The following METTL15 variants were observed in gnomAD, a reference collection of about 807,000 sequenced individuals.
The protein encoded by METTL15 is methyltransferase 15, mitochondrial 12S rRNA N4-cytidine, also known as 12S rRNA N(4)-cytidine methyltransferase METTL15.
In METTL15, 34 loss-of-function variants were observed where a neutral mutation model predicts 38.3. The observed-to-expected ratio is 0.89, with a 90% CI of 0.68 to 1.18. The LOEUF is 1.18. Ranked by LOEUF, METTL15 falls within the 50% of genes most tolerant of loss-of-function variation. The pLI, the probability that METTL15 is intolerant of heterozygous loss-of-function variation, is 0.00. For missense variants in METTL15, 438 were observed against 498.4 expected (o/e 0.88, Z 1.15); for synonymous variants, 162 against 170.9 (o/e 0.95, Z 0.41).
chr11:28,157,850 C>T (rs574617432), intron 3 of METTL15, among the ~76,000 whole-genome samples: 6 of 152,208 alleles, frequency 3.9e-5, no homozygotes, highest in Middle Eastern at 3.4e-3. Flanking sequence ...CAGTTGACAG[C>T]GGAAGAGAAG....
chr11:28,486,254 C>A (rs1045676465), intron 6 of METTL15, among the ~76,000 whole-genome samples: 1 of 152,082 alleles, frequency 6.6e-6, no homozygotes, highest in Non-Finnish European at 1.5e-5. Flanking sequence ...GCATCTTAGG[C>A]CACTTCACTC....
At chr11:28,473,892 A>G (rs548039804) in intron 6 of METTL15, among the ~76,000 whole-genome samples, 1 of 151,980 alleles carries the variant, frequency 6.6e-6, no homozygotes, top group African/African-American at 2.4e-5. Flanking sequence ...ACCTCTTTGC[A>G]CCACTTCATC....
At chr11:28,354,455 T>C (rs1385974656) in intron 4 of METTL15, among the ~76,000 whole-genome samples, 1 of 152,190 alleles carries the variant, frequency 6.6e-6, no homozygotes, top group Non-Finnish European at 1.5e-5. Context: ...AACCTAACAT[T>C]GTATGAGAGA....
rs542627316 is a variant in METTL15 at position 28,408,546 on chromosome 11, A to G, written c.*359-15753A>G. Among the ~76,000 whole-genome samples, 48 of 152,288 alleles carry G rather than the reference A, an allele frequency of 3.2e-4. No individual in the cohort carries two copies. The South Asian group carries it at 1.0e-2, about 32-fold the overall frequency. ...TTAAATGTATTAATTGTAAAAAAAT[A>G]GTTAATAATAATTGGAAAAGACATA... is the stretch of plus-strand genomic sequence containing the variant. On this transcript the variant is annotated intron_variant and NMD_transcript_variant, in intron 5 of 7. Transcript: ENST00000532947.
At chr11:28,251,627 G>A (rs1044811529) in intron 4 of METTL15, among the ~76,000 whole-genome samples, 8 of 151,956 alleles carry the variant, frequency 5.3e-5, no homozygotes, top group Non-Finnish European at 5.9e-5. Flanking sequence ...TATGTTGCTA[G>A]CCAATCTATT....
At chr11:28,414,005 A>G (rs1850751096) in intron 5 of METTL15, among the ~76,000 whole-genome samples, 1 of 152,148 alleles carries the variant, frequency 6.6e-6, no homozygotes, top group Non-Finnish European at 1.5e-5. Flanking sequence ...ATTATCCATC[A>G]GTCTAACCAA....
intron 3 of METTL15, among the ~76,000 whole-genome samples, chr11:28,182,925 G>T (rs901948765): frequency 2.0e-5 from 3 of 151,632 alleles, no homozygotes; most frequent in Non-Finnish European, 4.4e-5. Flanking sequence ...GTCCTCTCTT[G>T]TTTCCTTGAG....
chr11:28,203,661 G>T (rs893180323), intron 3 of METTL15, among the ~76,000 whole-genome samples: 2 of 152,002 alleles, frequency 1.3e-5, no homozygotes, highest in Non-Finnish European at 1.5e-5. Context: ...TAAAAGGAGG[G>T]ATTGGAATAG....
At chr11:28,252,759 T>G (rs1854800446) in intron 4 of METTL15, among the ~76,000 whole-genome samples, 1 of 152,100 alleles carries the variant, frequency 6.6e-6, no homozygotes, top group African/African-American at 2.4e-5. Context: ...CCTTTGCAGC[T>G]TGGCTTTACA....
At position 28,296,906 on chromosome 11, in the gene METTL15, C is replaced by T. The variant is rs1171001942; in HGVS notation, c.753C>T (p.Thr251=). Reference sequence around the variant, plus strand: ...GCAGCATCTACCCCATCACCAGAACCCAGCAGCTTGCCAGCATCGTTGCAG... The same window carrying T: ...GCAGCATCTACCCCATCACCAGAACTCAGCAGCTTGCCAGCATCGTTGCAG... ...QARSIYPITR[T]QQLASIVAGA... The change falls in exon 6 of 7, where the codon ACC becomes ACT. Residue 251 remains threonine, a synonymous_variant. Transcript: ENST00000407364. The T allele has an allele frequency of 1.2e-6, 2 of 1,613,504 alleles. No homozygotes were observed. The highest frequency in any genetic ancestry group is 2.2e-5 in the South Asian group (2 of 91,070).
intron 4 of METTL15, among the ~76,000 whole-genome samples, chr11:28,247,309 C>A (rs925772060): frequency 2.0e-5 from 3 of 151,858 alleles, no homozygotes; most frequent in Non-Finnish European, 4.4e-5. Context: ...TTTCAGGGGG[C>A]AAAATTATTG....
chr11:28,379,805 G>T (rs959069345), intron 5 of METTL15, among the ~76,000 whole-genome samples: 2 of 152,070 alleles, frequency 1.3e-5, no homozygotes, highest in Admixed American at 6.6e-5. Flanking sequence ...ACTGAGCGTG[G>T]ATTGTTGAAC....
chr11:28,236,340 T>C (rs1853970044), intron 4 of METTL15, among the ~76,000 whole-genome samples: 1 of 152,110 alleles, frequency 6.6e-6, no homozygotes, highest in Admixed American at 6.5e-5. Context: ...TTAGGGAGGA[T>C]TCCCTCTTTT....
At chr11:28,450,827 T>C (rs1259014496) in intron 6 of METTL15, among the ~76,000 whole-genome samples, 1 of 152,222 alleles carries the variant, frequency 6.6e-6, no homozygotes, top group East Asian at 1.9e-4. Flanking sequence ...CTCTATAGAA[T>C]AAAGGTAACT....
rs61356070 is a variant in METTL15, at chr11:28,239,951, T to A, written c.407+28753T>A. 4.4e-3 allele frequency among the ~76,000 whole-genome samples: 671 copies of A among 152,296 alleles called. 7 individuals are homozygous for A. The highest frequency in any genetic ancestry group is 0.016 in the African/African-American group (646 of 41,554). On this transcript the variant is annotated intron_variant, in intron 4 of 6. Coordinates refer to ENST00000407364, the MANE Select transcript of METTL15 (RefSeq NM_001113528.2). Reference sequence around the variant, plus strand: ...TACCCCAACTAGAATATAACTACCATGACAGTAGGAGTATTTTTCCCTTAC... The same window carrying A: ...TACCCCAACTAGAATATAACTACCAAGACAGTAGGAGTATTTTTCCCTTAC...
chr11:28,207,575 T>A (rs1852408553), intron 3 of METTL15, among the ~76,000 whole-genome samples: 1 of 152,170 alleles, frequency 6.6e-6, no homozygotes, highest in Non-Finnish European at 1.5e-5. Flanking sequence ...ATTCTCTTTT[T>A]TTGTTGTGTC....
At chr11:28,134,744 C>T (rs912800518) in intron 3 of METTL15, 8 of 394,922 alleles carry the variant, frequency 2.0e-5, no homozygotes, top group Admixed American at 4.4e-5. Flanking sequence ...AGGAACAATT[C>T]GGGTTATTAG....
chr11:28,175,254 A>G (rs552840305), intron 3 of METTL15, among the ~76,000 whole-genome samples: 5 of 148,734 alleles, frequency 3.4e-5, no homozygotes, highest in South Asian at 2.1e-4. Context: ...AGCTTCATCC[A>G]TGTCCCTACA....
chr11:28,274,874 A>G (rs564642815), intron 4 of METTL15, among the ~76,000 whole-genome samples: 39 of 152,002 alleles, frequency 2.6e-4, no homozygotes, highest in African/African-American at 9.1e-4. Context: ...AACATGACAC[A>G]TGTATATATA....
Sources: gnomAD v4.1 joint callset for allele counts (sites outside exome capture counted in the v4.1 genomes callset) on GRCh38, gnomAD v4.1.1 for gene constraint, MANE v1.5 for transcripts, NCBI Gene and HGNC (gene_info 2026-07-23, HGNC 2026-07-21) for gene names.